PEBP4: variants seen among roughly 807,000 people sequenced by gnomAD.
PEBP4 encodes phosphatidylethanolamine binding protein 4.
In PEBP4, 22 loss-of-function variants were observed where a neutral mutation model predicts 23.9. The ratio of observed to expected loss-of-function variants is 0.92; its 90% CI spans 0.66 to 1.31. PEBP4 has a LOEUF of 1.31. Ranked by LOEUF, PEBP4 falls within the 40% of genes most tolerant of loss-of-function variation. The pLI is 0.00. For synonymous variants in PEBP4, 112 were observed against 99.3 expected (o/e 1.13, Z -0.76); for missense variants, 324 against 281.7 (o/e 1.15, Z -1.07).
chr8:22,809,708 A>G (rs780302703), intron 4 of PEBP4, among the ~76,000 whole-genome samples: 4 of 152,192 alleles, frequency 2.6e-5, no homozygotes, highest in Admixed American at 6.5e-5. Flanking sequence ...AAGTGCATCA[A>G]TGATGTTTTT....
intron 3 of PEBP4, among the ~76,000 whole-genome samples, chr8:22,860,323 C>G (rs1807749979): frequency 6.6e-6 from 1 of 151,630 alleles, no homozygotes; most frequent in African/African-American, 2.4e-5. Context: ...TGATATGCAA[C>G]TGATCTCCAG....
chr8:22,892,541 G>C (rs1300974376), intron 3 of PEBP4, among the ~76,000 whole-genome samples: 1 of 152,196 alleles, frequency 6.6e-6, no homozygotes, highest in Admixed American at 6.5e-5. Flanking sequence ...AAAAAAGCTA[G>C]AGTATGGTTT....
rs112563656 is a variant in PEBP4 at position 22,759,968 on chromosome 8, T to C, written c.358-32748A>G. Among the ~76,000 whole-genome samples the C allele has an allele frequency of 5.3e-5, 8 of 152,308 alleles. 1 individual carries two copies. The highest frequency in any genetic ancestry group is 1.9e-4 in the African/African-American group (8 of 41,556). Reference sequence around the variant, plus strand: ...ACTTCTCTCCTGGTAAACTTCTATTTGGTCCTTTAAAACACAGCTCAGATG... The same window carrying C: ...ACTTCTCTCCTGGTAAACTTCTATTCGGTCCTTTAAAACACAGCTCAGATG... On this transcript the variant is annotated intron_variant, in intron 4 of 6. Coordinates refer to ENST00000256404, the MANE Select transcript of PEBP4 (RefSeq NM_144962.3).
chr8:22,737,069 G>A (rs1053163535), intron 4 of PEBP4, among the ~76,000 whole-genome samples: 10 of 152,206 alleles, frequency 6.6e-5, no homozygotes, highest in Admixed American at 1.3e-4. Flanking sequence ...CGAGGCGGGC[G>A]GATCACTTGA....
intron 4 of PEBP4, among the ~76,000 whole-genome samples, chr8:22,796,070 AGTG>A (rs1806252667): frequency 6.6e-6 from 1 of 152,248 alleles, no homozygotes; most frequent in Non-Finnish European, 1.5e-5. Context: ...TGGCCAGCAC[AGTG>A]TCCTCCAATA....
At chr8:22,732,942 A>G (rs1476796214) in intron 4 of PEBP4, among the ~76,000 whole-genome samples, 1 of 152,210 alleles carries the variant, frequency 6.6e-6, no homozygotes, top group Non-Finnish European at 1.5e-5. Context: ...ACTGAGAGTC[A>G]TAGCAACCCC....
At chr8:22,732,282 CCCTTA>C (rs1804754298) in intron 4 of PEBP4, among the ~76,000 whole-genome samples, 1 of 152,034 alleles carries the variant, frequency 6.6e-6, no homozygotes, top group African/African-American at 2.4e-5. Flanking sequence ...CTTAGAAGGA[CCCTTA>C]AATGCTCAGG....
intron 3 of PEBP4, among the ~76,000 whole-genome samples, chr8:22,858,080 G>T (rs554924258): frequency 9.8e-5 from 15 of 152,306 alleles, no homozygotes; most frequent in South Asian, 2.1e-4. Context: ...GAGACATTTT[G>T]TTCTTGCTGC....
chr8:22,906,726 C>T (rs1326497023), intron 3 of PEBP4, among the ~76,000 whole-genome samples: 5 of 152,230 alleles, frequency 3.3e-5, no homozygotes, highest in Non-Finnish European at 5.9e-5. Context: ...CATCTAATAA[C>T]ATGTGTTCAA....
At chr8:22,819,593 GTTTTTGTT>G (rs2128762220) in intron 3 of PEBP4, among the ~76,000 whole-genome samples, 1 of 151,958 alleles carries the variant, frequency 6.6e-6, no homozygotes, top group South Asian at 2.1e-4. Context: ...AGTCAAGATT[GTTTTTGTT>G]TTTTTGTTTT....
intron 4 of PEBP4, among the ~76,000 whole-genome samples, chr8:22,780,108 C>T (rs149917992): frequency 6.6e-6 from 1 of 152,080 alleles, no homozygotes; most frequent in African/African-American, 2.4e-5. Flanking sequence ...GGACCACAGG[C>T]ACGCACTATC....
In PEBP4 at chr8:22,724,900, C is replaced by T. The variant is rs781052387; in HGVS notation, c.460G>A (p.Val154Ile). Residue 154 changes from valine to isoleucine, a missense_variant, in exon 6 of 7, where the codon GTC becomes ATC. Coordinates refer to ENST00000256404, the MANE Select transcript of PEBP4 (RefSeq NM_144962.3). ...HSGFHRYQFF[V>I]YLQEGKVISL... is the part of the protein sequence containing the mutation. ...ATGACTTTTCCTTCCTGAAGATAGA[C>T]AAAGAACTGGTAGCGATGGAAGCCA... 31 of 1,614,010 alleles carry T rather than the reference C, an allele frequency of 1.9e-5. No individual in the cohort carries two copies. The East Asian group carries it at 5.8e-4, about 30-fold the overall frequency.
At position 22,830,110 on chromosome 8, in the gene PEBP4, G is replaced by GTTTT. The variant is rs1177393825; in HGVS notation, c.259-12379_259-12376dup. 4.4e-5 allele frequency among the ~76,000 whole-genome samples: 5 copies of GTTTT among 113,898 alleles called. No individual in the cohort carries two copies. The East Asian group carries it at 1.6e-3, about 37-fold the overall frequency. 74.7% of individuals were successfully genotyped at this position (113,898 alleles called of 152,430 possible). On this transcript the variant is annotated intron_variant, in intron 3 of 6. Transcript: ENST00000256404. ...CCCCACTGCTGGGTCCTAGGCTGTGGTTTTGTGTGTGTGTGTGTGTGTGTG... is the reference window on the plus strand; with the variant it reads ...CCCCACTGCTGGGTCCTAGGCTGTGGTTTTTTTTGTGTGTGTGTGTGTGTGTGTG...
intron 4 of PEBP4, among the ~76,000 whole-genome samples, chr8:22,810,495 T>C (rs1313948197): frequency 6.6e-6 from 1 of 152,002 alleles, no homozygotes; most frequent in African/African-American, 2.4e-5. Flanking sequence ...CAAAGGACAG[T>C]GAAAAGCCCG....
At chr8:22,743,301 G>C (rs1287101673) in intron 4 of PEBP4, among the ~76,000 whole-genome samples, 1 of 151,734 alleles carries the variant, frequency 6.6e-6, no homozygotes, top group East Asian at 1.9e-4. Context: ...AGCTCCCTTT[G>C]GGGGAGAAAC....
intron 4 of PEBP4, among the ~76,000 whole-genome samples, chr8:22,799,440 T>C (rs1806335953): frequency 1.3e-5 from 2 of 152,242 alleles, no homozygotes; most frequent in Non-Finnish European, 1.5e-5. Flanking sequence ...GGAAGATAAT[T>C]CGGGAGCTGG....
chr8:22,766,171 C>T (rs114881295), intron 4 of PEBP4, among the ~76,000 whole-genome samples: 4,245 of 152,298 alleles, frequency 0.028, 68 homozygotes, highest in South Asian at 0.089. Flanking sequence ...AGTCTTGTCA[C>T]GGTGAGGCCA....
intron 4 of PEBP4, among the ~76,000 whole-genome samples, chr8:22,746,383 C>T (rs912111388): frequency 1.3e-5 from 2 of 152,108 alleles, no homozygotes; most frequent in Non-Finnish European, 1.5e-5. Flanking sequence ...TGGCTGGTTG[C>T]GGTGTCTGTG....
intron 4 of PEBP4, among the ~76,000 whole-genome samples, chr8:22,814,657 G>C (rs1393381168): frequency 2.6e-5 from 4 of 152,220 alleles, no homozygotes; most frequent in Non-Finnish European, 5.9e-5. Flanking sequence ...GTTTGCTTCT[G>C]TGGTCATTGT....
Sources: gnomAD v4.1 joint callset for allele counts (sites outside exome capture counted in the v4.1 genomes callset) on GRCh38, gnomAD v4.1.1 for gene constraint, MANE v1.5 for transcripts, NCBI Gene and HGNC (gene_info 2026-07-23, HGNC 2026-07-21) for gene names.